SCAMP4: variants seen among roughly 807,000 people sequenced by gnomAD.
The protein encoded by SCAMP4 is secretory carrier membrane protein 4, also known as secretory carrier-associated membrane protein 4.
In SCAMP4, 19 loss-of-function variants were observed where a neutral mutation model predicts 32.1. The ratio of observed to expected loss-of-function variants is 0.59; its 90% CI spans 0.41 to 0.87. The LOEUF (loss-of-function observed/expected upper bound fraction) is 0.87, where lower values mean the gene tolerates loss of function less well. SCAMP4 is among the 40% of genes least tolerant of loss of function. The pLI is 0.00. For synonymous variants in SCAMP4, 152 were observed against 132.7 expected, an observed-to-expected ratio of 1.15 and a Z score of -1.00; for missense variants, 302 against 309.0, an observed-to-expected ratio of 0.98 and a Z score of 0.17.
intron 1 of SCAMP4, among the ~76,000 whole-genome samples, chr19:1,914,286 C>T (rs1206277943): frequency 3.9e-5 from 6 of 152,254 alleles, no homozygotes; most frequent in South Asian, 2.1e-4. Context: ...TGTTCCTGAA[C>T]GGGTTGTGAG....
intron 1 of SCAMP4, chr19:1,906,419 G>T (rs1286934606): frequency 6.6e-6 from 1 of 152,132 alleles, no homozygotes; most frequent in Non-Finnish European, 1.5e-5. Flanking sequence ...CATGTCTGTG[G>T]TCCCAGCTAC....
rs781089814 is a variant in SCAMP4 at position 1,921,731 on chromosome 19, G to A, written c.396-1339G>A. ...GGTGGCTGACGCCTGTAATCCCAGC[G>A]CTTTGGGAGGCCAAAGCAGGAGAAT... is the stretch of plus-strand genomic sequence containing the variant. On this transcript the variant is annotated intron_variant, in intron 5 of 6. Transcript: ENST00000316097. The A allele has an allele frequency of 5.3e-5, 52 of 984,598 alleles. No individual in the cohort carries two copies. In the African/African-American group the frequency reaches 6.5e-4, roughly 12 times the overall value. 61.0% of individuals were successfully genotyped at this position (984,598 alleles called of 1,614,324 possible).
intron 1 of SCAMP4, among the ~76,000 whole-genome samples, chr19:1,914,119 A>T (rs1209077303): frequency 1.3e-5 from 2 of 152,138 alleles, no homozygotes; most frequent in East Asian, 3.9e-4. Flanking sequence ...TGAGTGGTAG[A>T]GGCAGCATTT....
At chr19:1,912,002 C>G in intron 1 of SCAMP4, 1 of 1,415,822 alleles carries the variant, frequency 7.1e-7, no homozygotes, top group African/African-American at 1.5e-5. Context: ...CCACGGCCTC[C>G]CGGGACGGAC....
chr19:1,921,570 G>A, intron 5 of SCAMP4: 2 of 985,466 alleles, frequency 2.0e-6, no homozygotes, highest in Non-Finnish European at 2.4e-6. Flanking sequence ...TTGCATGCGG[G>A]GGCGTGCGAT....
At chr19:1,915,852 A>G (rs926301934) in intron 2 of SCAMP4, among the ~76,000 whole-genome samples, 2 of 151,960 alleles carry the variant, frequency 1.3e-5, no homozygotes, top group South Asian at 4.1e-4. Context: ...AGGCTGAGGC[A>G]GGAGAATGGT....
chr19:1,912,828 C>A (rs1367568325), intron 1 of SCAMP4: 2 of 1,590,996 alleles, frequency 1.3e-6, no homozygotes, highest in African/African-American at 1.3e-5. Context: ...CGACTTCAGA[C>A]CCTTCCCCGC....
At chr19:1,919,258 C>G in intron 5 of SCAMP4, 4 of 1,318,890 alleles carry the variant, frequency 3.0e-6, no homozygotes, top group Non-Finnish European at 3.9e-6. Context: ...CTCGCCAGCG[C>G]CCAGCCAGGC....
intron 1 of SCAMP4, among the ~76,000 whole-genome samples, chr19:1,911,245 C>T (rs1405312740): frequency 1.3e-5 from 2 of 151,858 alleles, no homozygotes; most frequent in African/African-American, 2.4e-5. Context: ...GATTGTAGCT[C>T]ACTGCAGCCT....
intron 1 of SCAMP4, chr19:1,912,865 C>T (rs267605366): frequency 6.2e-7 from 1 of 1,600,452 alleles, no homozygotes; most frequent in South Asian, 1.1e-5. Context: ...GCCGCTGCCC[C>T]CCAGGCCGTC....
At chr19:1,922,129 C>G in intron 5 of SCAMP4, 1 of 985,462 alleles carries the variant, frequency 1.0e-6, no homozygotes, top group African/African-American at 1.7e-5. Flanking sequence ...ACAAAAATCT[C>G]AAAATGACTG....
rs571396755 is a variant in SCAMP4, at chr19:1,921,309, C to T, written c.396-1761C>T. The T allele has an allele frequency of 7.5e-4, 740 of 985,456 alleles. 13 individuals are homozygous for T. In the South Asian group the frequency reaches 0.03, roughly 41 times the overall value. The allele number at this position is 985,456 out of a possible 1,614,324, so 61.0% of individuals were successfully genotyped here. A position where few individuals can be genotyped will look rare whatever the true frequency, so the allele number is the denominator to read the frequency against. Reference sequence around the variant, plus strand: ...GTCACCTCCCCAGGGGTGACGCATGCCCGAGGCCATGAGCCACGGCAGCAT... The same window carrying T: ...GTCACCTCCCCAGGGGTGACGCATGTCCGAGGCCATGAGCCACGGCAGCAT... On this transcript the variant is annotated intron_variant, in intron 5 of 6. Coordinates refer to ENST00000316097, the MANE Select transcript of SCAMP4 (RefSeq NM_079834.4).
At chr19:1,913,075 C>G (rs1273403371) in intron 1 of SCAMP4, 3 of 1,601,522 alleles carry the variant, frequency 1.9e-6, no homozygotes, top group Middle Eastern at 1.7e-4. Context: ...CACGCACGGC[C>G]CGACCTCAAC....
intron 2 of SCAMP4, 23 bp from the exon 3 acceptor site, chr19:1,917,671 C>G: frequency 6.2e-7 from 1 of 1,613,670 alleles, no homozygotes. Flanking sequence ...CTGGTTCTGT[C>G]CGTGGGTTCT....
chr19:1,918,798 T>C, intron 4 of SCAMP4, 91 bp from the exon 5 acceptor site: 1 of 1,498,668 alleles, frequency 6.7e-7, no homozygotes, highest in Non-Finnish European at 9.0e-7. Context: ...GAGCCTCCGC[T>C]CTCACCATCT....
At chr19:1,915,724 A>T (rs1599248077) in intron 2 of SCAMP4, among the ~76,000 whole-genome samples, 1 of 151,806 alleles carries the variant, frequency 6.6e-6, no homozygotes, top group Non-Finnish European at 1.5e-5. Flanking sequence ...AGGCGGGTGG[A>T]TCACGAGGTC....
At chr19:1,913,205 C>G in intron 1 of SCAMP4, 1 of 1,461,548 alleles carries the variant, frequency 6.8e-7, no homozygotes, top group Non-Finnish European at 9.0e-7. Flanking sequence ...GGGCGCCCCT[C>G]CTGGACTTCC....
At position 1,924,108 on chromosome 19, in the gene SCAMP4, G is replaced by A. The variant is rs748133360; in HGVS notation, c.514G>A (p.Val172Met). ...GCCTCCCTGTCCTCTGTCCTTGCAG[G>A]TGCACAGGATCTACCGAGGGGCTGG... is the stretch of plus-strand genomic sequence containing the variant. The part of the protein sequence containing the change: ...AAMMAIAIMK[V>M]HRIYRGAGGS... Residue 172 changes from valine (V) to methionine (M), a missense_variant and splice_region_variant, in exon 7 of 7, where the codon GTG becomes ATG. Val to Met is a conservative substitution (Grantham distance 21). Coordinates refer to ENST00000316097, the MANE Select transcript of SCAMP4 (RefSeq NM_079834.4). 2.5e-6 allele frequency: 4 copies of A among 1,604,442 alleles called. No homozygotes were observed. The Admixed American group carries it at 6.8e-5, about 27-fold the overall frequency.
chr19:1,905,675 C>T (rs771246902), intron 1 of SCAMP4: 1 of 155,970 alleles, frequency 6.4e-6, no homozygotes, highest in Non-Finnish European at 1.5e-5. Flanking sequence ...AGCCTCAGGA[C>T]CGCGCTCCCC....
Sources: gnomAD v4.1 joint callset for allele counts (sites outside exome capture counted in the v4.1 genomes callset) on GRCh38, gnomAD v4.1.1 for gene constraint, MANE v1.5 for transcripts, NCBI Gene and HGNC (gene_info 2026-07-23, HGNC 2026-07-21) for gene names.